BRINP3: variants seen among roughly 807,000 people sequenced by gnomAD.
BRINP3 encodes the protein BMP/retinoic acid inducible neural specific 3, also known as BMP/retinoic acid-inducible neural-specific protein 3.
BRINP3 carries 19 observed loss-of-function variants against 71.0 expected under a neutral mutation model. That is an observed-to-expected ratio of 0.27 (90% CI 0.19 to 0.39). The LOEUF is 0.39. Among genes scored for constraint, BRINP3 ranks in the 10% least tolerant of loss-of-function variants. The pLI, the probability that BRINP3 is intolerant of heterozygous loss-of-function variation, is 1.00. For synonymous variants in BRINP3, 380 were observed against 337.7 expected (o/e 1.13, Z -1.37); for missense variants, 959 against 940.8 (o/e 1.02, Z -0.25).
At chr1:190,236,545 T>C (rs993858186) in intron 4 of BRINP3, among the ~76,000 whole-genome samples, 2 of 151,964 alleles carry the variant, frequency 1.3e-5, no homozygotes, top group Non-Finnish European at 2.9e-5. Context: ...GTAACCAAGA[T>C]TGACTATGTG....
At chr1:190,283,613 A>G (rs1663203157) in intron 2 of BRINP3, among the ~76,000 whole-genome samples, 1 of 149,514 alleles carries the variant, frequency 6.7e-6, no homozygotes, top group African/African-American at 2.4e-5. Flanking sequence ...TTGTAGGTAC[A>G]TAATGTATGT....
intron 7 of BRINP3, among the ~76,000 whole-genome samples, chr1:190,109,738 C>G (rs1402457141): frequency 6.6e-6 from 1 of 152,218 alleles, no homozygotes; most frequent in African/African-American, 2.4e-5. Context: ...CTGGAGTTGG[C>G]AAGCTCTTTT....
intron 2 of BRINP3, among the ~76,000 whole-genome samples, chr1:190,320,904 A>G (rs930188733): frequency 2.0e-5 from 3 of 151,944 alleles, no homozygotes; most frequent in Non-Finnish European, 2.9e-5. Context: ...TCATGAAACA[A>G]TATTATCTGA....
intron 7 of BRINP3, among the ~76,000 whole-genome samples, chr1:190,150,901 G>C (rs1273484479): frequency 6.6e-6 from 1 of 152,098 alleles, no homozygotes; most frequent in Non-Finnish European, 1.5e-5. Context: ...CATAGATAAA[G>C]ATAAATAATT....
At chr1:190,439,775 C>G (rs1674696449) in intron 2 of BRINP3, among the ~76,000 whole-genome samples, 1 of 151,922 alleles carries the variant, frequency 6.6e-6, no homozygotes, top group African/African-American at 2.4e-5. Flanking sequence ...ATTATATTAA[C>G]CTCTTATAAT....
chr1:190,341,615 T>C (rs114879578), intron 2 of BRINP3, among the ~76,000 whole-genome samples: 43 of 151,928 alleles, frequency 2.8e-4, no homozygotes, highest in African/African-American at 1.0e-3. Context: ...ACCATTACTC[T>C]AGATTTCAAA....
chr1:190,289,134 G>A lies in BRINP3; in HGVS notation c.237-7384C>T, dbSNP rs546192869. On this transcript the variant is annotated intron_variant, in intron 2 of 7. Transcript: ENST00000367462. ...ATTTCAAGTTACATGAAGTAAGAAG[G>A]CAAAATGAAGGATTTTTTAAAGAAT... Among the ~76,000 whole-genome samples the A allele has an allele frequency of 1.2e-4, 18 of 151,744 alleles. No individual in the cohort carries two copies. In the South Asian group the frequency reaches 3.7e-3, roughly 32 times the overall value.
At chr1:190,290,618 T>G (rs1375255206) in intron 2 of BRINP3, among the ~76,000 whole-genome samples, 1 of 152,144 alleles carries the variant, frequency 6.6e-6, no homozygotes, top group Non-Finnish European at 1.5e-5. Flanking sequence ...TAACTTTTAC[T>G]TCATCATTGA....
In BRINP3 at chr1:190,225,836, T is replaced by A. The variant is rs1657317559; in HGVS notation, c.961+246A>T. ...TTCTTGTACTGAGAAAAGCAAGAAC[T>A]TTATTTATTAAGTGACTAATACATC... On this transcript the variant is annotated intron_variant, in intron 6 of 7. Coordinates refer to ENST00000367462, the MANE Select transcript of BRINP3 (RefSeq NM_199051.3). Among the ~76,000 whole-genome samples the A allele has an allele frequency of 2.0e-5, 3 of 151,946 alleles. No homozygotes were observed. The Admixed American group carries it at 2.0e-4, about 10-fold the overall frequency.
At chr1:190,143,293 T>C (rs935910431) in intron 7 of BRINP3, among the ~76,000 whole-genome samples, 1 of 152,068 alleles carries the variant, frequency 6.6e-6, no homozygotes, top group Non-Finnish European at 1.5e-5. Context: ...TCACTTCAGT[T>C]TGGTTAGGCC....
intron 4 of BRINP3, among the ~76,000 whole-genome samples, chr1:190,263,729 C>T (rs975610195): frequency 2.6e-5 from 4 of 151,678 alleles, no homozygotes; most frequent in African/African-American, 7.3e-5. Context: ...GCTGGGACTA[C>T]AGGTTCCCGG....
At chr1:190,457,352 G>A (rs937665214) in intron 1 of BRINP3, among the ~76,000 whole-genome samples, 2 of 152,062 alleles carry the variant, frequency 1.3e-5, no homozygotes, top group African/African-American at 2.4e-5. Context: ...GCTGAAGCAC[G>A]AGAATTTCTC....
At chr1:190,466,660 T>C (rs946257038) in intron 1 of BRINP3, among the ~76,000 whole-genome samples, 10 of 151,662 alleles carry the variant, frequency 6.6e-5, no homozygotes, top group African/African-American at 2.2e-4. Context: ...TTAACTTGTC[T>C]TCTTACTGGT....
chr1:190,368,323 C>T (rs560143525), intron 2 of BRINP3, among the ~76,000 whole-genome samples: 1 of 152,174 alleles, frequency 6.6e-6, no homozygotes, highest in South Asian at 2.1e-4. Flanking sequence ...CTCACTATCA[C>T]AGGAATATCA....
intron 4 of BRINP3, among the ~76,000 whole-genome samples, chr1:190,244,606 C>A (rs539136796): frequency 6.6e-6 from 1 of 152,204 alleles, no homozygotes; most frequent in South Asian, 2.1e-4. Context: ...CTAATCACAG[C>A]TAGCAGTGCA....
At chr1:190,325,060 C>T (rs1043174395) in intron 2 of BRINP3, among the ~76,000 whole-genome samples, 5 of 151,670 alleles carry the variant, frequency 3.3e-5, no homozygotes, top group Admixed American at 1.3e-4. Flanking sequence ...ACTAAATAAT[C>T]GGCAGCATAG....
chr1:190,412,830 A>T (rs1672780682), intron 2 of BRINP3, among the ~76,000 whole-genome samples: 1 of 152,128 alleles, frequency 6.6e-6, no homozygotes, highest in South Asian at 2.1e-4. Context: ...AAATTTTGGT[A>T]AAAAATGCAT....
intron 4 of BRINP3, among the ~76,000 whole-genome samples, chr1:190,246,698 A>G (rs1450847715): frequency 6.6e-6 from 1 of 152,040 alleles, no homozygotes; most frequent in Non-Finnish European, 1.5e-5. Context: ...CATGAACTAA[A>G]TGAAACCTGA....
chr1:190,132,947 G>C (rs1654663859), intron 7 of BRINP3, among the ~76,000 whole-genome samples: 1 of 152,058 alleles, frequency 6.6e-6, no homozygotes, highest in African/African-American at 2.4e-5. Flanking sequence ...CACCTGTCAA[G>C]GATCTGACAA....
Sources: gnomAD v4.1 joint callset for allele counts (sites outside exome capture counted in the v4.1 genomes callset) on GRCh38, gnomAD v4.1.1 for gene constraint, MANE v1.5 for transcripts, NCBI Gene and HGNC (gene_info 2026-07-23, HGNC 2026-07-21) for gene names.